MACROD2: variants seen among roughly 807,000 people sequenced by gnomAD.
MACROD2 encodes the protein ADP-ribose glycohydrolase MACROD2.
A neutral mutation model predicts 70.4 loss-of-function variants in MACROD2; 36 were observed. The observed-to-expected ratio is 0.51, with a 90% CI of 0.39 to 0.68. MACROD2 has a LOEUF of 0.68. Among genes scored for constraint, MACROD2 ranks in the 30% least tolerant of loss-of-function variants. The pLI is 0.00. For synonymous variants in MACROD2, 172 were observed against 178.8 expected (o/e 0.96, Z 0.30); for missense variants, 496 against 538.4 (o/e 0.92, Z 0.78).
At chr20:14,981,606 T>C (rs1382722740) in intron 5 of MACROD2, among the ~76,000 whole-genome samples, 21 of 151,980 alleles carry the variant, frequency 1.4e-4, no homozygotes. Flanking sequence ...GTGTTGTTCT[T>C]GTGATAGTGA....
At chr20:16,021,145 A>G (rs1285938017) in intron 15 of MACROD2, among the ~76,000 whole-genome samples, 1 of 152,184 alleles carries the variant, frequency 6.6e-6, no homozygotes, top group Non-Finnish European at 1.5e-5. Flanking sequence ...AAATATGACA[A>G]CACTTCCCAG....
At chr20:14,018,715 T>G (rs947018921) in intron 2 of MACROD2, among the ~76,000 whole-genome samples, 2 of 152,240 alleles carry the variant, frequency 1.3e-5, no homozygotes, top group African/African-American at 4.8e-5. Flanking sequence ...TTCCTAATTT[T>G]CTTCTAAAGA....
intron 6 of MACROD2, among the ~76,000 whole-genome samples, chr20:15,329,695 T>G (rs2077971543): frequency 1.3e-5 from 2 of 152,130 alleles, no homozygotes; most frequent in Non-Finnish European, 2.9e-5. Context: ...AATACACATC[T>G]TTCTCCTTGA....
At chr20:14,057,890 A>G (rs570212331) in intron 2 of MACROD2, among the ~76,000 whole-genome samples, 22 of 152,248 alleles carry the variant, frequency 1.4e-4, no homozygotes, top group Admixed American at 1.0e-3. Flanking sequence ...GATAAATTAC[A>G]TGAACCGATG....
At chr20:15,982,234 C>T (rs1175811144) in intron 13 of MACROD2, among the ~76,000 whole-genome samples, 1 of 152,064 alleles carries the variant, frequency 6.6e-6, no homozygotes, top group Admixed American at 6.5e-5. Flanking sequence ...GGATTACATA[C>T]TTTGTGCTGA....
intron 5 of MACROD2, among the ~76,000 whole-genome samples, chr20:15,164,725 G>A (rs751738912): frequency 4.4e-4 from 67 of 151,920 alleles, no homozygotes; most frequent in Non-Finnish European, 7.9e-4. Context: ...GCAAGACCTT[G>A]TCTCTACAAA....
rs59129207 is a variant in MACROD2 at position 15,227,823 on chromosome 20, G to GTTTTTTTTTTTTTTTTTTTTTTTTTT, written c.419-2116_419-2091dup. Among the ~76,000 whole-genome samples, 15 of 46,106 alleles carry GTTTTTTTTTTTTTTTTTTTTTTTTTT rather than the reference G, an allele frequency of 3.3e-4. 3 individuals are homozygous for GTTTTTTTTTTTTTTTTTTTTTTTTTT. The highest frequency in any genetic ancestry group is 5.0e-4 in the Non-Finnish European group (13 of 25,998). The allele number at this position is 46,106 out of a possible 152,430, so 30.2% of individuals were successfully genotyped here. A position where few individuals can be genotyped will look rare whatever the true frequency, so the allele number is the denominator to read the frequency against. ...TAACTGGTGTGATAGAATTTCACCT[G>GTTTTTTTTTTTTTTTTTTTTTTTTTT]TTTTTTTTTTTTTTTTTTTTTTTTT... On this transcript the variant is annotated intron_variant, in intron 5 of 17. Transcript: ENST00000684519.
At chr20:14,387,718 GGGCTAAA>G (rs2083483838) in intron 3 of MACROD2, among the ~76,000 whole-genome samples, 1 of 152,178 alleles carries the variant, frequency 6.6e-6, no homozygotes, top group African/African-American at 2.4e-5. Context: ...CTTGGAGCTG[GGGCTAAA>G]GGATGGTAGC....
chr20:14,946,122 C>T (rs557025446), intron 5 of MACROD2, among the ~76,000 whole-genome samples: 19 of 152,058 alleles, frequency 1.2e-4, no homozygotes, highest in African/African-American at 4.6e-4. Flanking sequence ...CTGCTTGAGC[C>T]CAGGAGGTGG....
At chr20:14,589,650 C>G (rs1431738523) in intron 4 of MACROD2, among the ~76,000 whole-genome samples, 1 of 152,066 alleles carries the variant, frequency 6.6e-6, no homozygotes, top group African/African-American at 2.4e-5. Flanking sequence ...AATGTTTATA[C>G]TTATTCATGA....
At chr20:14,391,288 G>A (rs927689237) in intron 3 of MACROD2, among the ~76,000 whole-genome samples, 1 of 152,188 alleles carries the variant, frequency 6.6e-6, no homozygotes, top group Non-Finnish European at 1.5e-5. Context: ...ATACTATGCA[G>A]CCATAAAAGG....
chr20:14,225,122 T>G (rs2081720310), intron 3 of MACROD2, among the ~76,000 whole-genome samples: 1 of 152,246 alleles, frequency 6.6e-6, no homozygotes, highest in East Asian at 1.9e-4. Context: ...TGTTGGTATT[T>G]TTTTCTATAA....
intron 3 of MACROD2, among the ~76,000 whole-genome samples, chr20:14,278,693 C>T (rs1276875215): frequency 6.6e-6 from 1 of 151,988 alleles, no homozygotes; most frequent in Non-Finnish European, 1.5e-5. Context: ...TTTAGGTTAG[C>T]CAATAATTGT....
intron 8 of MACROD2, among the ~76,000 whole-genome samples, chr20:15,508,403 T>G (rs1160954577): frequency 1.3e-5 from 2 of 152,128 alleles, no homozygotes; most frequent in South Asian, 2.1e-4. Flanking sequence ...CTAGGAGGTA[T>G]AGAATAGGTA....
At chr20:15,013,920 T>C (rs1845990610) in intron 5 of MACROD2, among the ~76,000 whole-genome samples, 1 of 152,178 alleles carries the variant, frequency 6.6e-6, no homozygotes, top group African/African-American at 2.4e-5. Context: ...AAGAAGATGA[T>C]GCAAATCATC....
chr20:14,356,525 G>C (rs1198058067), intron 3 of MACROD2, among the ~76,000 whole-genome samples: 1 of 113,330 alleles, frequency 8.8e-6, no homozygotes, highest in East Asian at 2.6e-4. Context: ...TTTTTTTCGA[G>C]ATGGAGTCTT....
At chr20:15,009,113 A>C (rs1013260736) in intron 5 of MACROD2, among the ~76,000 whole-genome samples, 2 of 152,146 alleles carry the variant, frequency 1.3e-5, no homozygotes, top group Non-Finnish European at 2.9e-5. Context: ...AACTTCAGAC[A>C]AAAGGAGGTA....
At chr20:15,568,952 C>T (rs902014761) in intron 8 of MACROD2, among the ~76,000 whole-genome samples, 3 of 152,178 alleles carry the variant, frequency 2.0e-5, no homozygotes, top group South Asian at 4.1e-4. Context: ...TCATCCACAG[C>T]TGCTGTTCCT....
At chr20:15,562,786 T>A (rs1448784352) in intron 8 of MACROD2, among the ~76,000 whole-genome samples, 3 of 152,156 alleles carry the variant, frequency 2.0e-5, no homozygotes, top group Non-Finnish European at 4.4e-5. Context: ...ATGGCAGAGA[T>A]GAAAATAAGA....
Sources: gnomAD v4.1 joint callset for allele counts (sites outside exome capture counted in the v4.1 genomes callset) on GRCh38, gnomAD v4.1.1 for gene constraint, MANE v1.5 for transcripts, NCBI Gene and HGNC (gene_info 2026-07-23, HGNC 2026-07-21) for gene names.